LMF1: variants seen among roughly 807,000 people sequenced by gnomAD.
LMF1 encodes transmembrane protein 112.
In LMF1, 68 loss-of-function variants were observed where a neutral mutation model predicts 60.6. That is an observed-to-expected ratio of 1.12 (90% CI 0.92 to 1.37). The LOEUF (loss-of-function observed/expected upper bound fraction) is 1.37, where lower values mean the gene tolerates loss of function less well. Among genes scored for constraint, LMF1 ranks in the 40% most tolerant of loss-of-function variants. LMF1 has a pLI of 0.00. For missense variants in LMF1, 948 were observed against 767.2 expected, an observed-to-expected ratio of 1.24 and a Z score of -2.78; for synonymous variants, 418 against 324.7, an observed-to-expected ratio of 1.29 and a Z score of -3.09.
At chr16:945,665 T>G (rs1255941456) in intron 2 of LMF1, among the ~76,000 whole-genome samples, 1 of 152,192 alleles carries the variant, frequency 6.6e-6, no homozygotes, top group Non-Finnish European at 1.5e-5. Flanking sequence ...CTAGAAGGCC[T>G]CGGCAGAAAG....
At chr16:877,801 GTC>G (rs2070036881) in intron 6 of LMF1, among the ~76,000 whole-genome samples, 1 of 152,152 alleles carries the variant, frequency 6.6e-6, no homozygotes, top group African/African-American at 2.4e-5. Context: ...CACAGGACGC[GTC>G]TCTGAGGGAC....
intron 3 of LMF1, among the ~76,000 whole-genome samples, chr16:913,950 T>C (rs72759460): frequency 0.015 from 2,352 of 152,286 alleles, 31 homozygotes; most frequent in African/African-American, 0.036. Flanking sequence ...TAAGATGAAA[T>C]ACTCGGAAGA....
chr16:870,814 C>A lies in LMF1; in HGVS notation c.1147G>T (p.Val383Phe). Residue 383 changes from valine (V) to phenylalanine (F), a missense_variant, in exon 8 of 11, where the codon GTC (valine) becomes TTC (phenylalanine). By Grantham distance (50) the Val-to-Phe change is conservative. Transcript: ENST00000262301. The part of the protein sequence containing the change: ...VLLAWLSVPV[V>F]LNLLSSRQVM... ...TGCCTGGAGCTCAGCAAGTTGAGGA[C>A]CACGGGCACGCTGAGCCAGGCCAGC... The A allele has an allele frequency of 2.5e-6, 4 of 1,612,678 alleles. No individual in the cohort carries two copies. Among genetic ancestry groups the A allele is most frequent in the Non-Finnish European group, 3.4e-6 (4 of 1,179,786 alleles).
rs147037264 is a variant in LMF1, at chr16:897,239, C to T, written c.664-4167G>A. On this transcript the variant is annotated intron_variant, in intron 4 of 10. Coordinates refer to ENST00000262301, the MANE Select transcript of LMF1 (RefSeq NM_022773.4). This position sits in a 1 kb window ranked among gnomAD's most constrained non-coding sequence, Gnocchi z 4.3. ...CTCGAAGTGTCTTGACGGTCGTATGCGGAGAAGGAGACACTCTGTGGAGAC... is the reference window on the plus strand; with the variant it reads ...CTCGAAGTGTCTTGACGGTCGTATGTGGAGAAGGAGACACTCTGTGGAGAC... Among the ~76,000 whole-genome samples, 2 of 152,192 alleles carry T rather than the reference C, an allele frequency of 1.3e-5. No individual in the cohort carries two copies. Among genetic ancestry groups the T allele is most frequent in the South Asian group, 4.1e-4 (2 of 4,830 alleles).
chr16:884,930 ATGG>A, intron 5 of LMF1: 1 of 150,530 alleles, frequency 6.6e-6, no homozygotes, highest in Non-Finnish European at 1.5e-5. Context: ...AGCTCTGGAA[ATGG>A]TGATGTTAGG....
chr16:975,050 G>A (rs908013570), upstream of LMF1, among the ~76,000 whole-genome samples: 5 of 152,184 alleles, frequency 3.3e-5, no homozygotes, highest in Admixed American at 1.3e-4. Context: ...TGGCAGGTGC[G>A]GGTGGGGGCT....
chr16:871,412 T>A, intron 6 of LMF1, 71 bp from the exon 7 acceptor site: 1 of 1,205,574 alleles, frequency 8.3e-7, no homozygotes, highest in Non-Finnish European at 1.2e-6. Context: ...GCGCCTCTCT[T>A]CCTGGAGCAG....
chr16:906,372 C>G (rs2151749504), intron 4 of LMF1, among the ~76,000 whole-genome samples: 1 of 152,192 alleles, frequency 6.6e-6, no homozygotes, highest in South Asian at 2.1e-4. Context: ...AAGGCGGACC[C>G]AAGCTTAATC....
At chr16:911,153 C>T (rs1459379261) in intron 3 of LMF1, 74 bp from the exon 4 acceptor site, 1 of 1,515,860 alleles carries the variant, frequency 6.6e-7, no homozygotes. Context: ...TTCAGAAACT[C>T]AGTTTAATGG....
At chr16:860,635 CTGGCCCTGAAAGTTGATT>C (rs1486961851) in intron 10 of LMF1, among the ~76,000 whole-genome samples, 1 of 152,222 alleles carries the variant, frequency 6.6e-6, no homozygotes, top group Non-Finnish European at 1.5e-5. Context: ...GCCACCATGC[CTGGCCCTGAAAGTTGATT>C]GTCTTATGCT....
At chr16:859,201 GTGGTGTCTCGGGACGGGTGTGC>G (rs2069337167) in intron 10 of LMF1, among the ~76,000 whole-genome samples, 1 of 125,068 alleles carries the variant, frequency 8.0e-6, no homozygotes, top group Admixed American at 7.5e-5. Flanking sequence ...ACGGGTGTGA[GTGGTGTCTCGGGACGGGTGTGC>G]AGTGGTGTCA....
intron 5 of LMF1, among the ~76,000 whole-genome samples, chr16:890,968 G>A (rs560009147): frequency 1.2e-4 from 18 of 152,316 alleles, no homozygotes; most frequent in Non-Finnish European, 2.1e-4. Flanking sequence ...CCACCGTCTC[G>A]GGCCATGTCT....
intron 5 of LMF1, among the ~76,000 whole-genome samples, chr16:886,319 C>T (rs2151722494): frequency 6.6e-6 from 1 of 152,240 alleles, no homozygotes; most frequent in East Asian, 1.9e-4. Flanking sequence ...AGGCGCCACC[C>T]CTGTCTCCCC....
chr16:859,013 A>G (rs1248697804), intron 10 of LMF1, among the ~76,000 whole-genome samples: 5 of 82,130 alleles, frequency 6.1e-5, no homozygotes, highest in Admixed American at 1.4e-4. Flanking sequence ...ACGCGTGTGC[A>G]GTGGTGTCAC....
At chr16:981,325 A>AGAGAGG, upstream of LMF1, 4 of 320,154 alleles carry the variant, frequency 1.2e-5, no homozygotes, top group African/African-American at 5.5e-5. Context: ...AGAGAGAGAG[A>AGAGAGG]GAGAGAGAGA....
At chr16:857,327 C>A (rs1456151919) in intron 10 of LMF1, among the ~76,000 whole-genome samples, 1 of 152,270 alleles carries the variant, frequency 6.6e-6, no homozygotes, top group African/African-American at 2.4e-5. Context: ...TTTGAGGAGC[C>A]ATTTTACCCT....
chr16:859,112 G>A (rs2069329416), intron 10 of LMF1, among the ~76,000 whole-genome samples: 1 of 129,384 alleles, frequency 7.7e-6, no homozygotes. Flanking sequence ...GTGCAGTGAT[G>A]TCTCGGGACG....
intron 5 of LMF1, among the ~76,000 whole-genome samples, chr16:892,329 G>A (rs115478047): frequency 0.11 from 16,413 of 152,252 alleles, 1,038 homozygotes; most frequent in Non-Finnish European, 0.13. Context: ...ATGACCACAC[G>A]GGCCCAGGGT....
At chr16:963,153 G>A (rs72769426) in intron 1 of LMF1, among the ~76,000 whole-genome samples, 3,336 of 152,134 alleles carry the variant, frequency 0.022, 78 homozygotes, top group African/African-American at 0.059. Flanking sequence ...GACACAGAGG[G>A]GACTCGGGGT....
Sources: gnomAD v4.1 joint callset for allele counts (sites outside exome capture counted in the v4.1 genomes callset) on GRCh38, gnomAD v4.1.1 for gene constraint, Gnocchi (gnomAD v3.1) non-coding constraint, MANE v1.5 for transcripts, NCBI Gene and HGNC (gene_info 2026-07-23, HGNC 2026-07-21) for gene names.